Variants in ADAM10 observed in about 807,000 individuals in gnomAD.
ADAM10 encodes the protein disintegrin and metalloproteinase domain-containing protein 10.
In ADAM10, 17 loss-of-function variants were observed where a neutral mutation model predicts 90.1. The ratio of observed to expected loss-of-function variants is 0.19; its 90% CI spans 0.13 to 0.28. The LOEUF (loss-of-function observed/expected upper bound fraction) is 0.28. ADAM10 is among the 10% of genes least tolerant of loss of function. The probability of loss-of-function intolerance (pLI) is 1.00; values close to 1 mark genes in which losing one functional copy is unlikely to be tolerated. For missense variants in ADAM10, 610 were observed against 914.3 expected, an observed-to-expected ratio of 0.67 and a Z score of 4.29; for synonymous variants, 310 against 298.6, an observed-to-expected ratio of 1.04 and a Z score of -0.40.
In ADAM10 at chr15:58,592,287, A is replaced by G. The variant is rs1328152072; in HGVS notation, c.*5260T>C. 1 of 152,178 alleles carries G rather than the reference A, an allele frequency of 6.6e-6. No homozygotes were observed. Among genetic ancestry groups the G allele is most frequent in the Non-Finnish European group, 1.5e-5 (1 of 68,036 alleles). 9.4% of individuals were successfully genotyped at this position (152,178 alleles called of 1,614,324 possible). On this transcript the variant is annotated 3_prime_UTR_variant, in exon 16 of 16. Coordinates refer to ENST00000260408, the MANE Select transcript of ADAM10 (RefSeq NM_001110.4). ...GGGGGGGTAAAATGGTGATATCCTA[A>G]TTCTATCATTTCTCTTATTACCTGG...
At chr15:58,644,112 G>C (rs1263146244) in intron 6 of ADAM10, 134 bp from the exon 7 acceptor site, 3 of 680,008 alleles carry the variant, frequency 4.4e-6, no homozygotes, top group East Asian at 2.7e-5. Context: ...TTATATACTG[G>C]ACATAAATAT....
intron 1 of ADAM10, among the ~76,000 whole-genome samples, chr15:58,742,817 A>G (rs909386077): frequency 6.6e-6 from 1 of 152,202 alleles, no homozygotes; most frequent in African/African-American, 2.4e-5. Context: ...AAGAGCATTA[A>G]CGATCATTAA....
At chr15:58,612,960 A>G (rs1895491588) in intron 11 of ADAM10, among the ~76,000 whole-genome samples, 1 of 151,928 alleles carries the variant, frequency 6.6e-6, no homozygotes, top group South Asian at 2.1e-4. Flanking sequence ...CCCCACAGTT[A>G]CTCTACGCAT....
chr15:58,693,484 A>T (rs1897888229), intron 2 of ADAM10, among the ~76,000 whole-genome samples: 1 of 152,224 alleles, frequency 6.6e-6, no homozygotes, highest in South Asian at 2.1e-4. Context: ...ATGGCAATTC[A>T]AAGAATTGAT....
intron 2 of ADAM10, among the ~76,000 whole-genome samples, chr15:58,712,413 A>G (rs559075148): frequency 6.6e-6 from 1 of 151,808 alleles, no homozygotes; most frequent in South Asian, 2.1e-4. Context: ...AGTCCCAGCT[A>G]CTCAGGAGGC....
chr15:58,592,967 T>C lies in ADAM10; in HGVS notation c.*4580A>G, dbSNP rs1437017062. On this transcript the variant is annotated 3_prime_UTR_variant, in exon 16 of 16. Coordinates refer to ENST00000260408, the MANE Select transcript of ADAM10 (RefSeq NM_001110.4). ...AATAATAAACAATGTGGAACCTACATGTCCAAACAATGGGAAATTGGTTAA... is the reference window on the plus strand; with the variant it reads ...AATAATAAACAATGTGGAACCTACACGTCCAAACAATGGGAAATTGGTTAA... 1.3e-5 allele frequency: 2 copies of C among 149,590 alleles called. No homozygotes were observed. The highest frequency in any genetic ancestry group is 4.9e-5 in the African/African-American group (2 of 40,948). 9.3% of individuals were successfully genotyped at this position (149,590 alleles called of 1,614,324 possible).
At position 58,639,896 on chromosome 15, in the gene ADAM10, T is replaced by TAA. The variant is rs34793995; in HGVS notation, c.1012+879_1012+880dup. On this transcript the variant is annotated intron_variant, in intron 8 of 15. Transcript: ENST00000260408. The stretch of plus-strand genomic sequence containing the variant: ...CTCTGGATAAAGCAGAAGTTTTTTT[T>TAA]AAAAAAAAAAACATAGAAATGAAGT... Among the ~76,000 whole-genome samples the TAA allele has an allele frequency of 1.5e-3, 229 of 148,984 alleles. 3 individuals are homozygous for TAA. Among genetic ancestry groups the TAA allele is most frequent in the Middle Eastern group, 3.5e-3 (1 of 288 alleles).
chr15:58,704,307 G>A (rs1432018537), intron 2 of ADAM10, among the ~76,000 whole-genome samples: 1 of 152,172 alleles, frequency 6.6e-6, no homozygotes, highest in Non-Finnish European at 1.5e-5. Flanking sequence ...AGGGACTGGA[G>A]GGAGAGAAAA....
intron 5 of ADAM10, among the ~76,000 whole-genome samples, chr15:58,646,913 T>C (rs777909661): frequency 1.3e-5 from 2 of 152,226 alleles, no homozygotes; most frequent in Non-Finnish European, 2.9e-5. Context: ...GTGGTACAGC[T>C]ATATAAGCTT....
rs773702469 is a variant in ADAM10 at position 58,643,982 on chromosome 15, T to A, written c.736-4A>T. The A allele has an allele frequency of 6.3e-7, 1 of 1,597,942 alleles. No individual in the cohort carries two copies. Among genetic ancestry groups the A allele is most frequent in the South Asian group, 1.1e-5 (1 of 90,564 alleles). On this transcript the variant is annotated splice_region_variant and splice_polypyrimidine_tract_variant and intron_variant, in intron 6 of 15. Transcript: ENST00000260408. ...TCGCTTTAACATGACTGGATATCTA[T>A]GATTTAAAAAAAAGAACATTTTAGA...
intron 5 of ADAM10, among the ~76,000 whole-genome samples, chr15:58,647,248 A>AGTTTTTT (rs1896571373): frequency 1.7e-5 from 1 of 59,602 alleles, no homozygotes; most frequent in South Asian, 5.4e-4. Flanking sequence ...GACACTAAGT[A>AGTTTTTT]TTTTTTTTTT....
chr15:58,614,750 C>T (rs1311493999), intron 11 of ADAM10, among the ~76,000 whole-genome samples: 4 of 152,080 alleles, frequency 2.6e-5, no homozygotes. Context: ...GGGATTCCTG[C>T]ACCTGGAAGC....
chr15:58,655,980 C>CAG (rs1366673929), intron 5 of ADAM10, among the ~76,000 whole-genome samples: 5 of 151,602 alleles, frequency 3.3e-5, no homozygotes, highest in Admixed American at 2.6e-4. Context: ...CTCCTGGCCT[C>CAG]AGGTGATCCA....
intron 2 of ADAM10, among the ~76,000 whole-genome samples, chr15:58,712,820 C>T (rs1427870734): frequency 4.0e-5 from 6 of 151,762 alleles, no homozygotes; most frequent in African/African-American, 9.7e-5. Flanking sequence ...AGCGAGACTC[C>T]GCCTCAAAAA....
At chr15:58,647,301 C>A (rs1472562159) in intron 5 of ADAM10, among the ~76,000 whole-genome samples, 2 of 97,742 alleles carry the variant, frequency 2.0e-5, no homozygotes, top group Non-Finnish European at 3.9e-5. Flanking sequence ...CACTCTGTTG[C>A]CCAGGATGGA....
intron 2 of ADAM10, among the ~76,000 whole-genome samples, chr15:58,714,288 C>CACAT (rs1309203603): frequency 2.0e-5 from 2 of 101,234 alleles, no homozygotes; most frequent in African/African-American, 7.2e-5. Context: ...CTTATACATA[C>CACAT]ACATACACAC....
intron 8 of ADAM10, among the ~76,000 whole-genome samples, chr15:58,633,901 TAAA>T (rs541203863): frequency 3.4e-5 from 4 of 118,192 alleles, no homozygotes; most frequent in Non-Finnish European, 3.6e-5. Context: ...TCAAGAAGGT[TAAA>T]AAAAAAAAAA....
rs1229890808 is a variant in ADAM10 at position 58,739,975 on chromosome 15, C to T, written c.55+9505G>A. ...TAACAATTCTGTAGTCTTAATAACA[C>T]ATATTATAAAATCCTAATGTGAGTG... On this transcript the variant is annotated intron_variant, in intron 1 of 15. Coordinates refer to ENST00000260408, the MANE Select transcript of ADAM10 (RefSeq NM_001110.4). Among the ~76,000 whole-genome samples the T allele has an allele frequency of 3.2e-4, 48 of 152,196 alleles. 1 individual carries two copies. Among genetic ancestry groups the T allele is most frequent in the Admixed American group, 3.1e-3 (47 of 15,284 alleles).
intron 3 of ADAM10, 69 bp downstream of exon 3, chr15:58,682,127 T>G (rs1897458008): frequency 6.3e-7 from 1 of 1,592,304 alleles, no homozygotes; most frequent in African/African-American, 1.4e-5. Context: ...TTGCTTACAC[T>G]TCAAAATGAG....
Sources: allele counts gnomAD v4.1 joint callset (sites outside exome capture counted in the v4.1 genomes callset), GRCh38; gene constraint gnomAD v4.1.1; transcripts MANE v1.5; gene names NCBI Gene and HGNC (gene_info 2026-07-23, HGNC 2026-07-21).